MARCHF3: variants seen among roughly 807,000 people sequenced by gnomAD.
MARCHF3 encodes the protein E3 ubiquitin-protein ligase MARCHF3.
A neutral mutation model predicts 24.2 loss-of-function variants in MARCHF3; 13 were observed. The observed-to-expected ratio is 0.54, with a 90% CI of 0.35 to 0.85. The LOEUF (loss-of-function observed/expected upper bound fraction) is 0.85, where lower values mean the gene tolerates loss of function less well. MARCHF3 is among the 40% of genes least tolerant of loss of function. MARCHF3 has a pLI of 0.01. For synonymous variants in MARCHF3, 144 were observed against 137.3 expected (o/e 1.05, Z -0.34); for missense variants, 276 against 325.0 (o/e 0.85, Z 1.16).
At chr5:126,890,473 T>G (rs1320115837) in intron 3 of MARCHF3, among the ~76,000 whole-genome samples, 1 of 132,348 alleles carries the variant, frequency 7.6e-6, no homozygotes, top group Admixed American at 8.9e-5. Flanking sequence ...GACTGTGATA[T>G]TCCCCTTCCT....
At chr5:126,903,822 A>C (rs1377392600) in intron 3 of MARCHF3, among the ~76,000 whole-genome samples, 1 of 151,918 alleles carries the variant, frequency 6.6e-6, no homozygotes, top group Non-Finnish European at 1.5e-5. Flanking sequence ...TTATTTATTT[A>C]TTATTATACT....
intron 2 of MARCHF3, among the ~76,000 whole-genome samples, chr5:126,915,401 G>C (rs934634003): frequency 7.9e-5 from 12 of 152,222 alleles, no homozygotes; most frequent in Non-Finnish European, 1.8e-4. Flanking sequence ...GTGAAAACAA[G>C]CAGTGGATAT....
At chr5:126,974,468 T>C (rs1197675685) in intron 1 of MARCHF3, among the ~76,000 whole-genome samples, 1 of 152,228 alleles carries the variant, frequency 6.6e-6, no homozygotes, top group Non-Finnish European at 1.5e-5. Flanking sequence ...TCACTGTTGC[T>C]CTCTGGGTAA....
At chr5:126,995,861 A>T (rs528892418) in intron 1 of MARCHF3, among the ~76,000 whole-genome samples, 2 of 152,240 alleles carry the variant, frequency 1.3e-5, no homozygotes, top group Non-Finnish European at 2.9e-5. Flanking sequence ...TACTCAGATA[A>T]CTCGAATGGA....
At chr5:126,944,452 A>G (rs1037425501) in intron 1 of MARCHF3, among the ~76,000 whole-genome samples, 6 of 152,176 alleles carry the variant, frequency 3.9e-5, no homozygotes, top group South Asian at 2.1e-4. Flanking sequence ...TACAAAAATT[A>G]TCCAGGCATG....
At chr5:126,962,834 C>CATGT (rs1554069030) in intron 1 of MARCHF3, among the ~76,000 whole-genome samples, 1 of 147,548 alleles carries the variant, frequency 6.8e-6, no homozygotes, top group East Asian at 2.0e-4. Context: ...TGTGTGTGTG[C>CATGT]GTGTGTGTGT....
chr5:126,916,679 A>T (rs891963715), intron 2 of MARCHF3, among the ~76,000 whole-genome samples: 4 of 134,098 alleles, frequency 3.0e-5, no homozygotes, highest in African/African-American at 1.1e-4. Context: ...AATACCTGAC[A>T]GACAGACAGA....
At chr5:126,954,199 A>ATTTTTTTT (rs750262766) in intron 1 of MARCHF3, among the ~76,000 whole-genome samples, 171 of 114,008 alleles carry the variant, frequency 1.5e-3, no homozygotes, top group Middle Eastern at 4.7e-3. Context: ...CGCCCGGCTA[A>ATTTTTTTT]TTTTTTTTTT....
At chr5:126,918,360 C>A in intron 1 of MARCHF3, 133 bp from the exon 2 acceptor site, 1 of 606,604 alleles carries the variant, frequency 1.6e-6, no homozygotes, top group East Asian at 2.9e-5. Context: ...GGCACATTAT[C>A]TTGTTACTGT....
At chr5:126,968,732 G>A (rs1750899632) in intron 1 of MARCHF3, among the ~76,000 whole-genome samples, 1 of 152,132 alleles carries the variant, frequency 6.6e-6, no homozygotes, top group South Asian at 2.1e-4. Context: ...ACCCCAGCAA[G>A]CCCAGCTAAT....
chr5:126,908,248 T>G (rs1184446473), intron 3 of MARCHF3, among the ~76,000 whole-genome samples: 1 of 152,226 alleles, frequency 6.6e-6, no homozygotes, highest in East Asian at 1.9e-4. Flanking sequence ...CTGGCTGCCC[T>G]TAAGATTTTT....
intron 1 of MARCHF3, among the ~76,000 whole-genome samples, chr5:126,926,251 C>A (rs954282098): frequency 3.9e-5 from 6 of 152,162 alleles, no homozygotes; most frequent in Non-Finnish European, 7.3e-5. Flanking sequence ...TCCTCTTCCT[C>A]GTTTCACCCA....
intron 3 of MARCHF3, among the ~76,000 whole-genome samples, chr5:126,908,193 G>C (rs1477867773): frequency 6.6e-6 from 1 of 152,196 alleles, no homozygotes; most frequent in Non-Finnish European, 1.5e-5. Flanking sequence ...CAGATCTGCT[G>C]TTAGTCTAAT....
chr5:126,962,820 T>C (rs1360458913), intron 1 of MARCHF3, among the ~76,000 whole-genome samples: 2 of 92,794 alleles, frequency 2.2e-5, no homozygotes, highest in Non-Finnish European at 4.3e-5. Context: ...AACCTGTGTG[T>C]GTGTGTGTGT....
intron 1 of MARCHF3, among the ~76,000 whole-genome samples, chr5:126,997,321 A>G (rs942507982): frequency 1.3e-5 from 2 of 152,228 alleles, no homozygotes; most frequent in African/African-American, 4.8e-5. Flanking sequence ...GTAGTCAGAG[A>G]AGACTTCTTG....
intron 1 of MARCHF3, among the ~76,000 whole-genome samples, chr5:126,966,389 C>A: frequency 6.6e-6 from 1 of 151,946 alleles, no homozygotes; most frequent in Admixed American, 6.6e-5. Flanking sequence ...AGGCAGTATA[C>A]ATTAAGAAAC....
intron 4 of MARCHF3, among the ~76,000 whole-genome samples, chr5:126,875,850 C>T (rs527707053): frequency 2.6e-5 from 4 of 152,180 alleles, no homozygotes; most frequent in East Asian, 3.8e-4. Context: ...TTGCAATAAC[C>T]GATTGACCTA....
intron 3 of MARCHF3, among the ~76,000 whole-genome samples, chr5:126,890,394 G>A (rs1262901766): frequency 2.7e-5 from 4 of 148,622 alleles, no homozygotes; most frequent in Non-Finnish European, 5.9e-5. Context: ...CCACTAACTC[G>A]TCATCTAGCA....
rs1753143744 is a variant in MARCHF3, at chr5:127,030,352, T to A, written c.-59A>T. 2.6e-5 allele frequency: 4 copies of A among 152,142 alleles called. 1 individual carries two copies. In the South Asian group the frequency reaches 8.3e-4, roughly 31 times the overall value. The allele number at this position is 152,142 out of a possible 1,614,324, so 9.4% of individuals were successfully genotyped here. A position where few individuals can be genotyped will look rare whatever the true frequency, so the allele number is the denominator to read the frequency against. On this transcript the variant is annotated splice_region_variant and 5_prime_UTR_variant, in exon 1 of 5. Coordinates refer to ENST00000308660, the MANE Select transcript of MARCHF3 (RefSeq NM_178450.5). Reference sequence around the variant, plus strand: ...TAGCCCGGCGCGCGGCCACTCACCGTCCTCGCCGAGTCCCGATAGCAAACC... The same window carrying A: ...TAGCCCGGCGCGCGGCCACTCACCGACCTCGCCGAGTCCCGATAGCAAACC...
Sources: gnomAD v4.1 joint callset for allele counts (sites outside exome capture counted in the v4.1 genomes callset) on GRCh38, gnomAD v4.1.1 for gene constraint, MANE v1.5 for transcripts, NCBI Gene and HGNC (gene_info 2026-07-23, HGNC 2026-07-21) for gene names.